Variants in RENBP observed in about 807,000 individuals in gnomAD.
RENBP encodes N-acylglucosamine 2-epimerase.
Under a neutral mutation model 37.8 loss-of-function variants are expected in RENBP, and 16 were observed. The observed-to-expected ratio is 0.42, with a 90% CI of 0.29 to 0.64. The LOEUF is 0.64. RENBP is among the 30% of genes least tolerant of loss of function. RENBP has a pLI of 0.19. For missense variants in RENBP, 347 were observed against 379.5 expected, an observed-to-expected ratio of 0.91 and a Z score of 0.71; for synonymous variants, 170 against 154.8, an observed-to-expected ratio of 1.10 and a Z score of -0.73.
Position 153,943,028 on chromosome X carries a change from C to T in RENBP, c.514G>A (p.Ala172Thr), listed in dbSNP as rs781972973. The change falls in exon 6 of 11, where the codon GCG (alanine) becomes ACG (threonine). Residue 172 changes from alanine to threonine, a missense_variant. Coordinates refer to ENST00000393700, the MANE Select transcript of RENBP (RefSeq NM_002910.6). ...AGCTGGGGCCGGCCCAGTCCCGACG[C>T]GTCCTCCTGCACCCAGTGGACGATC... ...DQIVHWVQED[A>T]SGLGRPQLQG... The T allele has an allele frequency of 1.4e-5, 17 of 1,201,690 alleles. No individual in the cohort carries two copies. Among genetic ancestry groups the T allele is most frequent in the Middle Eastern group, 2.6e-4 (1 of 3,906 alleles).
intron 1 of RENBP, 50 bp from the exon 2 acceptor site, chrX:153,944,468 C>A (rs782604604): frequency 1.9e-5 from 22 of 1,172,951 alleles, no homozygotes; most frequent in Middle Eastern, 4.7e-4. Flanking sequence ...GACCTAGGCC[C>A]CCCCAGCCTC....
intron 9 of RENBP, chrX:153,936,109 G>C (rs1278958335): frequency 7.9e-5 from 10 of 126,972 alleles, no homozygotes; most frequent in Non-Finnish European, 4.8e-5. Context: ...CTCCAGCCTG[G>C]GTGACAGAGC....
At chrX:153,939,932 C>T (rs963026442) in intron 9 of RENBP, among the ~76,000 whole-genome samples, 170 bp downstream of exon 9, 7 of 109,806 alleles carry the variant, frequency 6.4e-5, no homozygotes, top group African/African-American at 2.0e-4. Flanking sequence ...AAAATTCGAG[C>T]TCTAGGAGGG....
At chrX:153,935,732 G>C (rs782553907) in intron 9 of RENBP, among the ~76,000 whole-genome samples, 156 bp from the exon 10 acceptor site, 3 of 112,975 alleles carry the variant, frequency 2.7e-5, no homozygotes, top group Non-Finnish European at 5.6e-5. Flanking sequence ...AAAGATGAAA[G>C]CAGGGGTGGG....
chrX:153,941,948 A>AC lies in RENBP; in HGVS notation c.769+1dup. 4 of 401,018 alleles carry AC rather than the reference A, an allele frequency of 1.0e-5. No homozygotes were observed. The highest frequency in any genetic ancestry group is 1.6e-5 in the Non-Finnish European group (4 of 244,736). The allele number at this position is 401,018 out of a possible 1,213,427, so 33.0% of individuals were successfully genotyped here. ...TGGCCCCCAGCCCACCCCGCCCCTCACCTGGGTTCTGCTGTCTCCCCAGGC... is the reference window on the plus strand; with the variant it reads ...TGGCCCCCAGCCCACCCCGCCCCTCACCCTGGGTTCTGCTGTCTCCCCAGGC... On this transcript the variant is annotated splice_donor_variant, in intron 7 of 10. Transcript: ENST00000393700. LOFTEE classifies it high-confidence loss of function.
chrX:153,942,204 C>A, intron 6 of RENBP, 173 bp from the exon 7 acceptor site: 1 of 372,849 alleles, frequency 2.7e-6, no homozygotes. Flanking sequence ...GGGGCTGATT[C>A]ACTCCCTTGG....
At position 153,942,756 on chromosome X, in the gene RENBP, C is replaced by G. The variant is rs953842398; in HGVS notation, c.687+99G>C. The stretch of plus-strand genomic sequence containing the variant: ...CACCTTCCCCAGGTGGGGACATCCC[C>G]GAATCTCTGTCTCTCCAGGTGTGTC... On this transcript the variant is annotated intron_variant, in intron 6 of 10. Coordinates refer to ENST00000393700, the MANE Select transcript of RENBP (RefSeq NM_002910.6). 1.5e-3 allele frequency: 1,041 copies of G among 717,863 alleles called. 5 individuals are homozygous for G. The highest frequency in any genetic ancestry group is 4.8e-4 in the Non-Finnish European group (223 of 462,248). 59.2% of individuals were successfully genotyped at this position (717,863 alleles called of 1,213,427 possible).
chrX:153,940,282 A>G (rs782499368), intron 8 of RENBP, 49 bp from the exon 9 acceptor site: 74 of 1,196,204 alleles, frequency 6.2e-5, no homozygotes, highest in Non-Finnish European at 8.2e-5. Context: ...TCCCCTCCGC[A>G]ACTTTCCAGA....
intron 8 of RENBP, among the ~76,000 whole-genome samples, chrX:153,940,915 G>A (rs1350179476): frequency 9.0e-5 from 10 of 111,119 alleles, no homozygotes; most frequent in South Asian, 3.7e-4. Flanking sequence ...TGAGGCGGGC[G>A]GATCACCTGA....
intron 9 of RENBP, 107 bp from the exon 10 acceptor site, chrX:153,935,683 C>T (rs925427110): frequency 8.2e-6 from 5 of 609,871 alleles, no homozygotes; most frequent in Non-Finnish European, 8.2e-6. Flanking sequence ...GACGTGGCTC[C>T]AGAACCAGCG....
intron 8 of RENBP, 149 bp downstream of exon 8, chrX:153,941,329 C>T: frequency 1.8e-6 from 1 of 557,101 alleles, no homozygotes. Context: ...TGGATCACGA[C>T]CCCTTTCCTG....
intron 9 of RENBP, among the ~76,000 whole-genome samples, chrX:153,938,256 T>C (rs1455462987): frequency 1.8e-5 from 2 of 112,434 alleles, no homozygotes; most frequent in African/African-American, 6.5e-5. Context: ...TGCAATGCAA[T>C]GTAAACACAT....
intron 9 of RENBP, among the ~76,000 whole-genome samples, chrX:153,939,723 C>A (rs1282234905): frequency 1.8e-5 from 2 of 110,737 alleles, no homozygotes; most frequent in Non-Finnish European, 3.8e-5. Flanking sequence ...TGCTGTGCCA[C>A]ATGCCCCACC....
At chrX:153,941,925 G>GGC in intron 7 of RENBP, 25 bp downstream of exon 7, 1 of 708,475 alleles carries the variant, frequency 1.4e-6, no homozygotes, top group Non-Finnish European at 2.3e-6. Context: ...CTCCTGGGTG[G>GGC]CCCCCAGCCC....
At chrX:153,944,179 A>C (rs782278936) in intron 2 of RENBP, 24 bp from the exon 3 acceptor site, 30 of 1,199,846 alleles carry the variant, frequency 2.5e-5, no homozygotes, top group Admixed American at 1.1e-4. Context: ...GGGTTAGCAA[A>C]GTCTGGAACG....
intron 1 of RENBP, 25 bp downstream of exon 1, chrX:153,944,559 T>TC (rs1557110283): frequency 1.7e-6 from 2 of 1,165,790 alleles, no homozygotes; most frequent in Non-Finnish European, 2.3e-6. Context: ...AAGACAGCAC[T>TC]CCCCCCAAGC....
Position 153,943,694 on chromosome X carries a change from G to A in RENBP, c.314C>T (p.Ala105Val), listed in dbSNP as rs1415259949. 8.3e-7 allele frequency: 1 copy of A among 1,210,256 alleles called. No homozygotes were observed. The highest frequency in any genetic ancestry group is 1.1e-6 in the Non-Finnish European group (1 of 894,783). ...CTTCTTGCCAGGAGGTGCCACCCGG[G>A]CATACCGCAGCAAGAACTCACCACC... ...KAGGEFLLRY[A>V]RVAPPGKKCA... Residue 105 changes from alanine to valine, a missense_variant, in exon 5 of 11, where the codon GCC becomes GTC. Physicochemically the swap from Ala to Val is moderately conservative, Grantham distance 64 (BLOSUM62 0). Coordinates refer to ENST00000393700, the MANE Select transcript of RENBP (RefSeq NM_002910.6).
intron 9 of RENBP, among the ~76,000 whole-genome samples, chrX:153,937,637 T>A: frequency 9.2e-6 from 1 of 108,712 alleles, no homozygotes; most frequent in Middle Eastern, 4.7e-3. Flanking sequence ...TTATTTTTTA[T>A]TTTTTTTAAT....
In RENBP at chrX:153,941,655, T is replaced by C; in HGVS notation, c.770-2A>G. The C allele has an allele frequency of 1.1e-6, 1 of 872,521 alleles. No homozygotes were observed. Among genetic ancestry groups the C allele is most frequent in the Non-Finnish European group, 1.5e-6 (1 of 685,641 alleles). 71.9% of individuals were successfully genotyped at this position (872,521 alleles called of 1,213,427 possible). A position where few individuals can be genotyped will look rare whatever the true frequency, so the allele number is the denominator to read the frequency against. On this transcript the variant is annotated splice_acceptor_variant, in intron 7 of 10. Coordinates refer to ENST00000393700, the MANE Select transcript of RENBP (RefSeq NM_002910.6). LOFTEE classifies it high-confidence loss of function. ...ACCAGCCGGCTTCCAGCGTGTGGCC[T>C]GGTGAGGGGTGGAGTACGGAAGGGC...
Sources: allele counts gnomAD v4.1 joint callset (sites outside exome capture counted in the v4.1 genomes callset), GRCh38; gene constraint gnomAD v4.1.1; transcripts MANE v1.5; gene names NCBI Gene and HGNC (gene_info 2026-07-23, HGNC 2026-07-21).